Variants in ZNF346 observed in about 807,000 individuals in gnomAD.
The protein encoded by ZNF346 is zinc finger protein 346, also known as double-stranded RNA-binding zinc finger protein JAZ.
Under a neutral mutation model 33.7 loss-of-function variants are expected in ZNF346, and 23 were observed. The observed-to-expected ratio is 0.68, with a 90% CI of 0.49 to 0.97. The LOEUF is 0.97. ZNF346 is among the 50% of genes least tolerant of loss of function. ZNF346 has a pLI of 0.00. For missense variants in ZNF346, 340 were observed against 371.1 expected (o/e 0.92, Z 0.69); for synonymous variants, 134 against 142.4 (o/e 0.94, Z 0.42).
At chr5:177,073,028 T>A (rs1382820268) in intron 8 of ZNF346, among the ~76,000 whole-genome samples, 3 of 152,248 alleles carry the variant, frequency 2.0e-5, no homozygotes, top group African/African-American at 7.2e-5. Flanking sequence ...CAAGGCCAAG[T>A]TGGCTGCCCT....
At chr5:177,038,876 T>TGTGTGTG (rs1554145941) in intron 1 of ZNF346, among the ~76,000 whole-genome samples, 23 of 135,452 alleles carry the variant, frequency 1.7e-4, no homozygotes, top group South Asian at 1.3e-3. Flanking sequence ...CTTCTTCTTC[T>TGTGTGTG]TGTGTGTGTG....
rs1779297969 is a variant in ZNF346, at chr5:177,041,228, A to C, written c.278A>C (p.Gln93Pro). 6.2e-7 allele frequency: 1 copy of C among 1,612,178 alleles called. No individual in the cohort carries two copies. The highest frequency in any genetic ancestry group is 1.3e-5 in the African/African-American group (1 of 74,910). Residue 93 changes from glutamine (Q) to proline (P), a missense_variant and splice_region_variant, in exon 2 of 7, where the codon CAG becomes CCG. Gln to Pro is a moderately conservative substitution (Grantham distance 76). Transcript: ENST00000358149. ...ISESQKLAHY[Q>P]SKKHANKVKR... ...GAGTCCCAGAAGCTGGCACATTACC[A>C]GGTATGCCATCATACTTTTAGAACT...
At chr5:177,057,249 G>A (rs867370524) in intron 5 of ZNF346, among the ~76,000 whole-genome samples, 37 of 152,026 alleles carry the variant, frequency 2.4e-4, no homozygotes, top group African/African-American at 8.2e-4. Context: ...AACTGAGATC[G>A]CACTATTGCA....
In ZNF346 at chr5:177,062,128, C is replaced by G. The variant is rs1238449823; in HGVS notation, c.774C>G (p.Val258=). The G allele has an allele frequency of 6.2e-7, 1 of 1,613,948 alleles. No homozygotes were observed. The highest frequency in any genetic ancestry group is 8.5e-7 in the Non-Finnish European group (1 of 1,179,956). The change falls in exon 6 of 7, where the codon GTC becomes GTG. Residue 258 remains valine, a synonymous_variant. Coordinates refer to ENST00000358149, the MANE Select transcript of ZNF346 (RefSeq NM_012279.4). The part of the protein sequence containing the change: ...LNSIEQYQAH[V]SGFKHKNQSP... ...CCATAGAACAGTACCAAGCTCATGT[C>G]AGCGGCTTCAAACACAAGAACCAGT...
At chr5:177,058,677 T>G (rs1279826206) in intron 5 of ZNF346, among the ~76,000 whole-genome samples, 2 of 152,210 alleles carry the variant, frequency 1.3e-5, no homozygotes, top group Non-Finnish European at 2.9e-5. Context: ...TTAATAAATG[T>G]TGATATCACT....
intron 5 of ZNF346, among the ~76,000 whole-genome samples, chr5:177,054,039 G>A (rs1381834886): frequency 6.6e-6 from 1 of 151,772 alleles, no homozygotes; most frequent in Non-Finnish European, 1.5e-5. Flanking sequence ...AGAATAGCCA[G>A]CACTTTAAAA....
intron 2 of ZNF346, 128 bp downstream of exon 2, chr5:177,041,357 G>T (rs758061909): frequency 2.8e-6 from 2 of 725,616 alleles, no homozygotes; most frequent in Non-Finnish European, 4.8e-6. Flanking sequence ...ATGCATGTTG[G>T]CTTGTGACTT....
chr5:177,029,664 G>A (rs1055591123), intron 1 of ZNF346, among the ~76,000 whole-genome samples: 1 of 152,232 alleles, frequency 6.6e-6, no homozygotes, highest in Non-Finnish European at 1.5e-5. Context: ...CCAAGATGGC[G>A]ACTTGAGAGA....
intron 8 of ZNF346, among the ~76,000 whole-genome samples, chr5:177,078,815 GCAGGAGAAT>G (rs1337670734): frequency 2.6e-5 from 4 of 152,114 alleles, no homozygotes; most frequent in Admixed American, 6.6e-5. Flanking sequence ...GAAGGCTGAG[GCAGGAGAAT>G]CATCTGAACC....
At chr5:177,078,002 C>T (rs1047615573) in intron 8 of ZNF346, among the ~76,000 whole-genome samples, 1 of 152,106 alleles carries the variant, frequency 6.6e-6, no homozygotes, top group Non-Finnish European at 1.5e-5. Flanking sequence ...TAAAAATTAG[C>T]TGGGCATGGT....
At chr5:177,057,797 CTTA>C (rs927892921) in intron 5 of ZNF346, among the ~76,000 whole-genome samples, 9 of 133,322 alleles carry the variant, frequency 6.8e-5, no homozygotes, top group Admixed American at 2.2e-4. Context: ...CATAGATTTT[CTTA>C]TTTATTTATT....
intron 1 of ZNF346, among the ~76,000 whole-genome samples, chr5:177,037,894 T>G (rs1395526147): frequency 6.6e-6 from 1 of 152,158 alleles, no homozygotes; most frequent in East Asian, 1.9e-4. Flanking sequence ...CTAGGCCTCA[T>G]GCTGTCTCTC....
chr5:177,047,507 G>A (rs1362008106), intron 4 of ZNF346, among the ~76,000 whole-genome samples: 1 of 151,370 alleles, frequency 6.6e-6, no homozygotes, highest in Non-Finnish European at 1.5e-5. Flanking sequence ...CCCGGCTAAT[G>A]TTGTTTTTTT....
chr5:177,041,298 C>A, intron 2 of ZNF346, 69 bp downstream of exon 2: 3 of 1,319,792 alleles, frequency 2.3e-6, no homozygotes, highest in Admixed American at 1.7e-5. Context: ...TTCTCTCTGG[C>A]TTGCATGGTG....
chr5:177,073,055 C>G (rs996965361), intron 8 of ZNF346, among the ~76,000 whole-genome samples: 9 of 152,192 alleles, frequency 5.9e-5, no homozygotes, highest in African/African-American at 2.2e-4. Flanking sequence ...TCCCAGATGC[C>G]CTGTGTTCCC....
At chr5:177,075,103 A>C (rs1452738387) in intron 8 of ZNF346, among the ~76,000 whole-genome samples, 2 of 150,152 alleles carry the variant, frequency 1.3e-5, no homozygotes, top group Admixed American at 1.3e-4. Context: ...ATAAAAATAA[A>C]ATATATCTAC....
At position 177,065,316 on chromosome 5, in the gene ZNF346, C is replaced by T. The variant is rs1229447032; in HGVS notation, c.*717C>T. 6.5e-6 allele frequency: 1 copy of T among 153,046 alleles called. No homozygotes were observed. Among genetic ancestry groups the T allele is most frequent in the East Asian group, 1.9e-4 (1 of 5,208 alleles). The allele number at this position is 153,046 out of a possible 1,614,324, so 9.5% of individuals were successfully genotyped here. The stretch of plus-strand genomic sequence containing the variant: ...CTCCATGTCCACTGAGATCATAGGA[C>T]ACTCCAATGGGGATGGGACCTTTCC... On this transcript the variant is annotated 3_prime_UTR_variant, in exon 7 of 7. Transcript: ENST00000358149.
chr5:177,074,213 T>C (rs1783638412), intron 8 of ZNF346, among the ~76,000 whole-genome samples: 1 of 152,200 alleles, frequency 6.6e-6, no homozygotes, highest in South Asian at 2.1e-4. Flanking sequence ...GGTATAATAA[T>C]CAGAAGCTTC....
chr5:177,049,311 A>G (rs1189315835), intron 4 of ZNF346, among the ~76,000 whole-genome samples: 2 of 152,210 alleles, frequency 1.3e-5, no homozygotes, highest in African/African-American at 4.8e-5. Context: ...TGATACAGGT[A>G]TGGAAGAGCA....
Sources: gnomAD v4.1 joint callset for allele counts (sites outside exome capture counted in the v4.1 genomes callset) on GRCh38, gnomAD v4.1.1 for gene constraint, MANE v1.5 for transcripts, NCBI Gene and HGNC (gene_info 2026-07-23, HGNC 2026-07-21) for gene names.